Variants in SCHIP1 observed in about 807,000 individuals in gnomAD.
SCHIP1 encodes the protein schwannomin-interacting protein 1.
A neutral mutation model predicts 29.7 loss-of-function variants in SCHIP1; 8 were observed. The ratio of observed to expected loss-of-function variants is 0.27; its 90% CI spans 0.16 to 0.49. SCHIP1 has a LOEUF of 0.49. Ranked by LOEUF, SCHIP1 falls within the 20% of genes least tolerant of loss-of-function variation. The pLI, the probability that SCHIP1 is intolerant of heterozygous loss-of-function variation, is 0.99. For missense variants in SCHIP1, 193 were observed against 294.6 expected (o/e 0.66, Z 2.52); for synonymous variants, 76 against 94.9 (o/e 0.80, Z 1.16).
At chr3:159,531,967 A>T in the SCHIP1 span, among the ~76,000 whole-genome samples, 1 of 152,216 alleles carries the variant, frequency 6.6e-6, no homozygotes, top group Non-Finnish European at 1.5e-5. Context: ...CAATCTGGAG[A>T]TTCTGAAGTA....
At chr3:159,368,852 C>T in the SCHIP1 span, among the ~76,000 whole-genome samples, 2 of 152,140 alleles carry the variant, frequency 1.3e-5, no homozygotes, top group Non-Finnish European at 2.9e-5. Context: ...TGTCTTGACA[C>T]AAACTACTGA....
the SCHIP1 span, among the ~76,000 whole-genome samples, chr3:159,689,980 T>G: frequency 5.9e-5 from 9 of 152,350 alleles, no homozygotes; most frequent in South Asian, 1.9e-3. Context: ...CTTTTTGATG[T>G]GCTGCTGGAT....
At chr3:159,843,948 G>A (rs1744531491) in intron 1 of SCHIP1, among the ~76,000 whole-genome samples, 1 of 151,092 alleles carries the variant, frequency 6.6e-6, no homozygotes, top group Non-Finnish European at 1.5e-5. Context: ...TTCATTGTGT[G>A]TGAGCTGGTT....
chr3:159,314,302 A>AG, the SCHIP1 span, among the ~76,000 whole-genome samples: 1 of 152,184 alleles, frequency 6.6e-6, no homozygotes, highest in African/African-American at 2.4e-5. Context: ...AGAAACTGGA[A>AG]GTCCAGTATT....
At chr3:159,626,595 T>G in the SCHIP1 span, among the ~76,000 whole-genome samples, 1 of 152,086 alleles carries the variant, frequency 6.6e-6, no homozygotes, top group Non-Finnish European at 1.5e-5. Context: ...GTTAAAAAAT[T>G]TATCCACCAA....
chr3:159,524,466 C>G, the SCHIP1 span, among the ~76,000 whole-genome samples: 1 of 152,188 alleles, frequency 6.6e-6, no homozygotes, highest in Admixed American at 6.6e-5. Flanking sequence ...TTGCTCCAAT[C>G]AAGGGAATCT....
At chr3:159,828,708 A>G in the SCHIP1 span, among the ~76,000 whole-genome samples, 1 of 151,924 alleles carries the variant, frequency 6.6e-6, no homozygotes, top group Admixed American at 6.6e-5. Context: ...ATCAGCCACT[A>G]TCGCCTCGGA....
the SCHIP1 span, chr3:159,765,164 C>G: frequency 1.4e-5 from 22 of 1,539,082 alleles, no homozygotes; most frequent in Non-Finnish European, 1.9e-5. Flanking sequence ...TGCGTGCCCA[C>G]GCGCGCACAC....
the SCHIP1 span, among the ~76,000 whole-genome samples, chr3:159,784,586 C>T: frequency 6.9e-3 from 1,054 of 152,324 alleles, 7 homozygotes; most frequent in African/African-American, 0.023. Context: ...TCCCGTCAGT[C>T]GTTTGCTCTT....
chr3:159,290,173 C>T, the SCHIP1 span, among the ~76,000 whole-genome samples: 6 of 152,034 alleles, frequency 3.9e-5, no homozygotes, highest in African/African-American at 9.7e-5. Context: ...CAACATTATG[C>T]GGCTATAAGA....
At chr3:159,751,646 G>T in the SCHIP1 span, among the ~76,000 whole-genome samples, 2 of 151,612 alleles carry the variant, frequency 1.3e-5, no homozygotes, top group African/African-American at 4.9e-5. Context: ...CCAGGTTCAT[G>T]CCATTCTCCT....
chr3:159,526,061 C>A, the SCHIP1 span, among the ~76,000 whole-genome samples: 3 of 152,210 alleles, frequency 2.0e-5, no homozygotes, highest in African/African-American at 7.2e-5. Context: ...TGAAAACAAA[C>A]TTCACTTACA....
the SCHIP1 span, among the ~76,000 whole-genome samples, chr3:159,453,053 C>T: frequency 6.6e-6 from 1 of 152,188 alleles, no homozygotes; most frequent in Admixed American, 6.5e-5. Flanking sequence ...ACAACAATTA[C>T]AACTGAATCC....
chr3:159,365,145 A>C, the SCHIP1 span, among the ~76,000 whole-genome samples: 3 of 152,156 alleles, frequency 2.0e-5, no homozygotes, highest in Non-Finnish European at 4.4e-5. Flanking sequence ...AAAGAGAAGG[A>C]AGGATTGGGG....
chr3:159,299,649 A>T, the SCHIP1 span, among the ~76,000 whole-genome samples: 1 of 152,160 alleles, frequency 6.6e-6, no homozygotes, highest in Admixed American at 6.5e-5. Flanking sequence ...TTCTGTTGCC[A>T]TTGCATTACT....
the SCHIP1 span, among the ~76,000 whole-genome samples, chr3:159,505,675 A>C: frequency 6.6e-6 from 1 of 151,926 alleles, no homozygotes; most frequent in Non-Finnish European, 1.5e-5. Flanking sequence ...CCTGTGTCCA[A>C]GTGTTCTCAT....
chr3:159,534,328 T>C, the SCHIP1 span, among the ~76,000 whole-genome samples: 3 of 152,132 alleles, frequency 2.0e-5, no homozygotes, highest in Non-Finnish European at 4.4e-5. Context: ...GTAGACTGGG[T>C]GAAGGCTGGG....
the SCHIP1 span, among the ~76,000 whole-genome samples, chr3:159,494,025 G>A: frequency 3.9e-5 from 6 of 152,126 alleles, no homozygotes; most frequent in African/African-American, 7.2e-5. Flanking sequence ...AAAAATGAAG[G>A]CAGAAATAAA....
chr3:159,782,824 A>G, the SCHIP1 span, among the ~76,000 whole-genome samples: 100,650 of 152,124 alleles, frequency 0.66, 33,796 homozygotes, highest in East Asian at 0.99. Flanking sequence ...ATGACTATAG[A>G]TCCCTAAGGT....
Sources: gnomAD v4.1 joint callset for allele counts (sites outside exome capture counted in the v4.1 genomes callset) on GRCh38, gnomAD v4.1.1 for gene constraint, MANE v1.5 for transcripts, NCBI Gene and HGNC (gene_info 2026-07-23, HGNC 2026-07-21) for gene names.